PAX8: variants seen among roughly 807,000 people sequenced by gnomAD.
The protein encoded by PAX8 is paired box 8.
Under a neutral mutation model 52.4 loss-of-function variants are expected in PAX8, and 15 were observed. That is an observed-to-expected ratio of 0.29 (90% CI 0.19 to 0.44). PAX8 has a LOEUF of 0.44. PAX8 is among the 20% of genes least tolerant of loss of function. PAX8 has a pLI of 1.00. For missense variants in PAX8, 554 were observed against 602.5 expected, an observed-to-expected ratio of 0.92 and a Z score of 0.84; for synonymous variants, 284 against 249.7, an observed-to-expected ratio of 1.14 and a Z score of -1.29.
chr2:113,235,835 C>A, intron 8 of PAX8: 1 of 506,510 alleles, frequency 2.0e-6, no homozygotes, highest in East Asian at 3.4e-5. Context: ...CCCGCCTCTC[C>A]CACAGGAGGG....
At position 113,243,100 on chromosome 2, in the gene PAX8, C is replaced by T. The variant is rs530962861; in HGVS notation, c.390-322G>A. 7.9e-5 allele frequency among the ~76,000 whole-genome samples: 12 copies of T among 152,314 alleles called. No homozygotes were observed. The East Asian group carries it at 1.5e-3, about 20-fold the overall frequency. On this transcript the variant is annotated intron_variant, in intron 4 of 11. Coordinates refer to ENST00000429538, the MANE Select transcript of PAX8 (RefSeq NM_003466.4). ...CCTTGCCAACGTTGACCCCTCTCTG[C>T]GTCTCTCCATCAGCACCTTAGTGCA...
chr2:113,266,777 G>GA (rs1693093764), intron 2 of PAX8: 1 of 152,182 alleles, frequency 6.6e-6, no homozygotes, highest in African/African-American at 2.4e-5. Context: ...CCATTGAACA[G>GA]AAAAAATTTA....
intron 4 of PAX8, among the ~76,000 whole-genome samples, chr2:113,243,550 C>T (rs1278524555): frequency 1.3e-5 from 2 of 152,180 alleles, no homozygotes. Context: ...CGCCACCACA[C>T]CCAGTTAATT....
At chr2:113,226,193 C>T in intron 10 of PAX8, 4 of 985,428 alleles carry the variant, frequency 4.1e-6, no homozygotes, top group Non-Finnish European at 4.8e-6. Context: ...AGATTAACTC[C>T]TGCCGGCAAG....
At chr2:113,276,236 C>G (rs886936411) in intron 2 of PAX8, 2 of 152,218 alleles carry the variant, frequency 1.3e-5, no homozygotes, top group Non-Finnish European at 2.9e-5. Flanking sequence ...GACAGACGGC[C>G]TCTCCCTCAG....
chr2:113,220,210 A>G, intron 10 of PAX8, 32 bp from the exon 11 acceptor site: 1 of 1,521,850 alleles, frequency 6.6e-7, no homozygotes. Context: ...GAGGCCTGTG[A>G]GGTGAAGGGC....
rs201603250 is a variant in PAX8 at position 113,235,580 on chromosome 2, G to T, written c.901C>A (p.Pro301Thr). 1.7e-5 allele frequency: 27 copies of T among 1,608,674 alleles called. No individual in the cohort carries two copies. The highest frequency in any genetic ancestry group is 2.3e-5 in the Non-Finnish European group (27 of 1,176,256). The stretch of plus-strand genomic sequence containing the variant: ...TGCTTTATGGCGAAGGGTGAGTGAG[G>T]ATCTGCCGGAGGGAGGGAGACAACA... ...THQTYPVVAD[P>T]HSPFAIKQET... Residue 301 changes from proline (P) to threonine (T), a missense_variant and splice_region_variant, in exon 9 of 12, where the codon CCT becomes ACT. This residue lies in a region of PAX8 where 445 missense variants were observed against 409.9 expected (regional missense o/e 1.09). Transcript: ENST00000429538.
intron 2 of PAX8, among the ~76,000 whole-genome samples, chr2:113,257,157 G>A (rs1297888969): frequency 6.6e-6 from 1 of 152,130 alleles, no homozygotes; most frequent in Non-Finnish European, 1.5e-5. Flanking sequence ...CTTCTTGCCT[G>A]GATTGATTTC....
intron 10 of PAX8, among the ~76,000 whole-genome samples, chr2:113,221,940 G>T (rs1689293220): frequency 6.6e-6 from 1 of 151,974 alleles, no homozygotes; most frequent in Admixed American, 6.5e-5. Context: ...GTAAAAAAAG[G>T]AAGGGGGTAA....
At chr2:113,228,804 C>T (rs1490888717) in intron 9 of PAX8, among the ~76,000 whole-genome samples, 2 of 152,078 alleles carry the variant, frequency 1.3e-5, no homozygotes, top group East Asian at 3.9e-4. Context: ...CCCATCAGTC[C>T]CCCCCAGGTC....
At chr2:113,224,204 T>A in intron 10 of PAX8, among the ~76,000 whole-genome samples, 1 of 151,606 alleles carries the variant, frequency 6.6e-6, no homozygotes, top group African/African-American at 2.4e-5. Flanking sequence ...GAAAGATGGA[T>A]GGATGGAAAG....
chr2:113,244,487 C>T lies in PAX8; in HGVS notation c.329G>A (p.Arg110Gln), dbSNP rs376820853. 35 of 1,614,022 alleles carry T rather than the reference C, an allele frequency of 2.2e-5. No homozygotes were observed. The highest frequency in any genetic ancestry group is 2.7e-5 in the African/African-American group (2 of 74,932). ...GTCACAGACGCCCTCAGCCAGGAGC[C>T]GGTCTCGGATCTCCCAGGCAAACAT... The part of the protein sequence containing the change: ...PTMFAWEIRD[R>Q]LLAEGVCDND... Residue 110 changes from arginine to glutamine, a missense_variant, in exon 4 of 12, where the codon CGG (arginine) becomes CAG (glutamine). Transcript: ENST00000429538.
chr2:113,227,035 C>T (rs1296762648), intron 10 of PAX8, 120 bp downstream of exon 10: 14 of 1,534,084 alleles, frequency 9.1e-6, no homozygotes, highest in African/African-American at 1.4e-5. Flanking sequence ...TTGGTCCATC[C>T]TTCAATGCCC....
intron 9 of PAX8, among the ~76,000 whole-genome samples, chr2:113,234,190 G>A (rs1428782072): frequency 1.3e-5 from 2 of 152,230 alleles, no homozygotes; most frequent in Admixed American, 1.3e-4. Context: ...TATCCCTGTG[G>A]AAGCCCTTGA....
chr2:113,254,924 C>G (rs181138483), intron 2 of PAX8, among the ~76,000 whole-genome samples: 1 of 152,254 alleles, frequency 6.6e-6, no homozygotes, highest in African/African-American at 2.4e-5. Flanking sequence ...CTTTCCCTGC[C>G]TGCTCTCTTT....
In PAX8 at chr2:113,278,905, T is replaced by A; in HGVS notation, c.-150A>T. On this transcript the variant is annotated 5_prime_UTR_variant, in exon 1 of 12. The change creates a new upstream start codon in the 5' untranslated region. Coordinates refer to ENST00000429538, the MANE Select transcript of PAX8 (RefSeq NM_003466.4). ...GCCCTGGGCCCGGTGTCTCTCCTCC[T>A]TCTGAAGTTTGTTCCCATCCACCCG... 3.8e-6 allele frequency: 4 copies of A among 1,047,750 alleles called. No individual in the cohort carries two copies. The highest frequency in any genetic ancestry group is 3.5e-6 in the Non-Finnish European group (3 of 867,026). The allele number at this position is 1,047,750 out of a possible 1,614,324, so 64.9% of individuals were successfully genotyped here. A position where few individuals can be genotyped will look rare whatever the true frequency, so the allele number is the denominator to read the frequency against.
At chr2:113,274,767 T>A in intron 2 of PAX8, 1 of 152,334 alleles carries the variant, frequency 6.6e-6, no homozygotes, top group Non-Finnish European at 1.5e-5. Flanking sequence ...CAAAAATGAT[T>A]TCATTTTTTC....
intron 9 of PAX8, among the ~76,000 whole-genome samples, chr2:113,231,242 T>C (rs1269689238): frequency 6.6e-6 from 1 of 152,222 alleles, no homozygotes; most frequent in Non-Finnish European, 1.5e-5. Flanking sequence ...AATGGACTCT[T>C]TGATGATAAA....
At chr2:113,278,304 C>G in intron 2 of PAX8, 66 bp downstream of exon 2, 2 of 1,285,454 alleles carry the variant, frequency 1.6e-6, no homozygotes, top group Non-Finnish European at 1.1e-6. Context: ...ATCCAACCAC[C>G]CGAGCGCACG....
Sources: gnomAD v4.1 joint callset for allele counts (sites outside exome capture counted in the v4.1 genomes callset) on GRCh38, gnomAD v4.1.1 for gene constraint, gnomAD v4.1.1 regional missense constraint, MANE v1.5 for transcripts, NCBI Gene and HGNC (gene_info 2026-07-23, HGNC 2026-07-21) for gene names.